SDK2: variants seen among roughly 807,000 people sequenced by gnomAD.
SDK2 encodes the protein sidekick cell adhesion molecule 2, also known as protein sidekick-2.
In SDK2, 105 loss-of-function variants were observed where a neutral mutation model predicts 253.9. The ratio of observed to expected loss-of-function variants is 0.41; its 90% CI spans 0.35 to 0.49. The LOEUF (loss-of-function observed/expected upper bound fraction) is 0.49. Ranked by LOEUF, SDK2 falls within the 20% of genes least tolerant of loss-of-function variation. The pLI, the probability that SDK2 is intolerant of heterozygous loss-of-function variation, is 0.06. For missense variants in SDK2, 2,608 were observed against 3,003.0 expected, an observed-to-expected ratio of 0.87 and a Z score of 3.07; for synonymous variants, 1,249 against 1,234.9, an observed-to-expected ratio of 1.01 and a Z score of -0.24.
chr17:73,423,600 G>A, intron 13 of SDK2, 78 bp from the exon 14 acceptor site: 15 of 1,422,786 alleles, frequency 1.1e-5, no homozygotes, highest in Non-Finnish European at 9.3e-6. Context: ...CACAGGTTGT[G>A]TAGGCCTTGA....
chr17:73,409,513 C>G (rs2063107990), intron 18 of SDK2, among the ~76,000 whole-genome samples: 1 of 152,042 alleles, frequency 6.6e-6, no homozygotes, highest in Non-Finnish European at 1.5e-5. Flanking sequence ...CCCTGTAATC[C>G]CAGCTACTTG....
intron 18 of SDK2, among the ~76,000 whole-genome samples, chr17:73,407,342 C>A (rs2063087442): frequency 6.6e-6 from 1 of 152,164 alleles, no homozygotes; most frequent in South Asian, 2.1e-4. Flanking sequence ...GGCTCACCAT[C>A]AAGTCGAAGA....
chr17:73,401,102 G>A lies in SDK2; in HGVS notation c.2889C>T (p.Thr963=). Residue 963 remains threonine, a synonymous_variant, in exon 21 of 45, where the codon ACC becomes ACT. Transcript: ENST00000392650. ...TCATGGCGGCCACCTCGATGGTGTA[G>A]GTGGTGAGCGCGGTGAGGCCCGTGA... ...YRVTGLTALT[T]YTIEVAAMTS... The A allele has an allele frequency of 1.3e-6, 2 of 1,566,702 alleles. No homozygotes were observed. Among genetic ancestry groups the A allele is most frequent in the Non-Finnish European group, 1.7e-6 (2 of 1,155,760 alleles).
In SDK2 at chr17:73,361,788, A is replaced by G. The variant is rs2062643098; in HGVS notation, c.5363T>C (p.Val1788Ala). 1 of 1,609,514 alleles carries G rather than the reference A, an allele frequency of 6.2e-7. No individual in the cohort carries two copies. Among genetic ancestry groups the G allele is most frequent in the Non-Finnish European group, 8.5e-7 (1 of 1,177,968 alleles). Residue 1788 changes from valine (V) to alanine (A), a missense_variant, in exon 39 of 45, where the codon GTG (valine) becomes GCG (alanine). This residue lies in a region of SDK2 where 1,103 missense variants were observed against 1,143.9 expected (regional missense o/e 0.96). Coordinates refer to ENST00000392650, the MANE Select transcript of SDK2 (RefSeq NM_001144952.2). This position sits in a 1 kb window ranked among gnomAD's most constrained non-coding sequence, Gnocchi z 4.1. ...VKGNSPLWLK[V>A]KDLAEGVTYR... ...GGTCACCCCCTCCGCCAGGTCCTTC[A>G]CCTTCAGCCACAGGGGGCTGTTCCC...
rs201417060 is a variant in SDK2 at position 73,393,768 on chromosome 17, G to C, written c.3709-19C>G. 1.8e-4 allele frequency: 275 copies of C among 1,536,570 alleles called. 1 individual carries two copies. The African/African-American group carries it at 3.0e-3, about 17-fold the overall frequency. On this transcript the variant is annotated intron_variant, in intron 26 of 44. Transcript: ENST00000392650. ...ACATCACCTGTCAGGGCCCAGCACA[G>C]GGTGAGGGCCTCAGGCCTGCATCTC...
intron 2 of SDK2, among the ~76,000 whole-genome samples, chr17:73,475,538 G>A (rs1260072797): frequency 6.6e-6 from 1 of 152,208 alleles, no homozygotes; most frequent in East Asian, 1.9e-4. Flanking sequence ...CCATCGCAGA[G>A]ACAAACAAAC....
chr17:73,602,916 G>C (rs1450726131), intron 1 of SDK2, among the ~76,000 whole-genome samples: 1 of 152,058 alleles, frequency 6.6e-6, no homozygotes, highest in Non-Finnish European at 1.5e-5. Flanking sequence ...GTAAAGACAG[G>C]GTTTTACCAT....
chr17:73,533,666 C>T (rs997186818), intron 1 of SDK2, among the ~76,000 whole-genome samples: 3 of 130,538 alleles, frequency 2.3e-5, no homozygotes, highest in Admixed American at 1.5e-4. Context: ...CCAGAAAGGG[C>T]CCTCCCCCAG....
chr17:73,599,870 G>A (rs1462574969), intron 1 of SDK2, among the ~76,000 whole-genome samples: 1 of 152,248 alleles, frequency 6.6e-6, no homozygotes, highest in Non-Finnish European at 1.5e-5. Flanking sequence ...GTGATGGGGG[G>A]TCCTTCAGTG....
rs1213730155 is a variant in SDK2 at position 73,634,826 on chromosome 17, G to A, written c.64+9199C>T. On this transcript the variant is annotated intron_variant, in intron 1 of 44. Transcript: ENST00000392650. Reference sequence around the variant, plus strand: ...ATACACAGAACACTGTGTCCTAAAAGCTTAGCACAGCTCGTTAAACCCTGT... The same window carrying A: ...ATACACAGAACACTGTGTCCTAAAAACTTAGCACAGCTCGTTAAACCCTGT... 2.0e-5 allele frequency among the ~76,000 whole-genome samples: 3 copies of A among 152,088 alleles called. No individual in the cohort carries two copies. In the East Asian group the frequency reaches 5.8e-4, roughly 29 times the overall value.
chr17:73,477,771 T>A (rs2063696396), intron 2 of SDK2, among the ~76,000 whole-genome samples: 1 of 152,042 alleles, frequency 6.6e-6, no homozygotes, highest in African/African-American at 2.4e-5. Context: ...TTCTGACCCC[T>A]CAACCTCCCA....
At chr17:73,375,164 T>C (rs1157988589) in intron 36 of SDK2, among the ~76,000 whole-genome samples, 1 of 151,996 alleles carries the variant, frequency 6.6e-6, no homozygotes, top group African/African-American at 2.4e-5. Context: ...CCATGTGATT[T>C]GTGCCCTGTT....
chr17:73,528,919 G>T (rs1177126157), intron 1 of SDK2, among the ~76,000 whole-genome samples: 1 of 152,158 alleles, frequency 6.6e-6, no homozygotes, highest in East Asian at 1.9e-4. Flanking sequence ...AGGGGAGCAG[G>T]CCTCGCCCCT....
rs1465437070 is a variant in SDK2 at position 73,507,514 on chromosome 17, C to A, written c.148G>T (p.Ala50Ser). The change falls in exon 2 of 45, where the codon GCC (alanine) becomes TCC (serine). Residue 50 changes from alanine to serine, a missense_variant. Physicochemically the swap from Ala to Ser is moderately conservative, Grantham distance 99 (BLOSUM62 1). Around this residue, in one of 2 missense-constraint regions of SDK2, gnomAD observed 1,505 missense variants for 1,859.1 expected, o/e 0.81. Coordinates refer to ENST00000392650, the MANE Select transcript of SDK2 (RefSeq NM_001144952.2). ...AACTCCAGTGGCCAGCTGCCCTCGGCCATGCATGTAAGCACCAGGCGGTTT... is the reference window on the plus strand; with the variant it reads ...AACTCCAGTGGCCAGCTGCCCTCGGACATGCATGTAAGCACCAGGCGGTTT... ...EGNRLVLTCM[A>S]EGSWPLEFKW... 1.9e-6 allele frequency: 3 copies of A among 1,551,568 alleles called. No individual in the cohort carries two copies. The highest frequency in any genetic ancestry group is 4.9e-5 in the East Asian group (2 of 40,926).
At chr17:73,385,728 G>T (rs920490686) in intron 32 of SDK2, 119 bp downstream of exon 32, 2 of 883,316 alleles carry the variant, frequency 2.3e-6, no homozygotes, top group South Asian at 1.4e-5. Context: ...CTTCCCAGGC[G>T]CTCTGGGGGC....
rs118130815 is a variant in SDK2 at position 73,420,160 on chromosome 17, G to T, written c.2046-854C>A. On this transcript the variant is annotated intron_variant, in intron 15 of 44. Coordinates refer to ENST00000392650, the MANE Select transcript of SDK2 (RefSeq NM_001144952.2). ...CACCCTGCCTCGGGGAGCCAAGCGC[G>T]ACAGCACGTCTTTCTCTGGCATTGC... 9.1e-3 allele frequency among the ~76,000 whole-genome samples: 1,392 copies of T among 152,320 alleles called. 28 individuals are homozygous for T. The highest frequency in any genetic ancestry group is 0.053 in the East Asian group (276 of 5,188).
intron 44 of SDK2, among the ~76,000 whole-genome samples, chr17:73,341,230 C>T (rs1410379467): frequency 8.3e-6 from 1 of 120,284 alleles, no homozygotes; most frequent in Admixed American, 8.7e-5. Flanking sequence ...TTATTCCTGA[C>T]TTTTTTTTTT....
chr17:73,638,218 C>T (rs1235017146), intron 1 of SDK2, among the ~76,000 whole-genome samples: 2 of 152,148 alleles, frequency 1.3e-5, no homozygotes, highest in Non-Finnish European at 2.9e-5. Context: ...CTCCAGTAAG[C>T]ATTCATTCAT....
At chr17:73,401,911 G>GT in intron 19 of SDK2, 35 bp downstream of exon 19, 1 of 1,500,106 alleles carries the variant, frequency 6.7e-7, no homozygotes, top group Non-Finnish European at 9.1e-7. Context: ...CTTGGGCGGG[G>GT]GGGGGCAGAA....
Sources: gnomAD v4.1 joint callset for allele counts (sites outside exome capture counted in the v4.1 genomes callset) on GRCh38, gnomAD v4.1.1 for gene constraint, gnomAD v4.1.1 regional missense constraint, Gnocchi (gnomAD v3.1) non-coding constraint, MANE v1.5 for transcripts, NCBI Gene and HGNC (gene_info 2026-07-23, HGNC 2026-07-21) for gene names.